STK24: variants seen among roughly 807,000 people sequenced by gnomAD.
The protein encoded by STK24 is serine/threonine kinase 24.
In STK24, 21 loss-of-function variants were observed where a neutral mutation model predicts 55.6. The observed-to-expected ratio is 0.38, with a 90% CI of 0.27 to 0.54. The LOEUF (loss-of-function observed/expected upper bound fraction) is 0.54, where lower values mean the gene tolerates loss of function less well. STK24 is among the 20% of genes least tolerant of loss of function. The pLI is 0.79. For missense variants in STK24, 383 were observed against 538.4 expected (o/e 0.71, Z 2.86); for synonymous variants, 200 against 215.2 (o/e 0.93, Z 0.62).
At chr13:98,501,256 A>G (rs1438738684) in intron 2 of STK24, among the ~76,000 whole-genome samples, 2 of 152,172 alleles carry the variant, frequency 1.3e-5, no homozygotes, top group Non-Finnish European at 2.9e-5. Flanking sequence ...CCAGGAGGGG[A>G]ATCGCCCTGA....
chr13:98,541,265 A>G (rs4389009), intron 1 of STK24, among the ~76,000 whole-genome samples: 76,137 of 151,894 alleles, frequency 0.5, 19,219 homozygotes, highest in East Asian at 0.52. Flanking sequence ...TGCAGGAAAT[A>G]AAAACGCTCT....
chr13:98,528,021 GC>G, intron 1 of STK24, among the ~76,000 whole-genome samples: 1 of 152,258 alleles, frequency 6.6e-6, no homozygotes, highest in South Asian at 2.1e-4. Flanking sequence ...AGCTCCCTAG[GC>G]TAATAATCAG....
intron 1 of STK24, among the ~76,000 whole-genome samples, chr13:98,569,674 T>G (rs1319395163): frequency 1.3e-5 from 2 of 152,032 alleles, no homozygotes; most frequent in Non-Finnish European, 2.9e-5. Flanking sequence ...TAATAATGGC[T>G]GGGCTGCAGA....
chr13:98,495,249 C>A (rs1441265981), intron 2 of STK24, among the ~76,000 whole-genome samples: 2 of 152,162 alleles, frequency 1.3e-5, no homozygotes, highest in Non-Finnish European at 2.9e-5. Context: ...AAATAAGTCT[C>A]CTTTTATTAC....
intron 2 of STK24, among the ~76,000 whole-genome samples, chr13:98,486,997 A>C (rs1257292500): frequency 1.3e-5 from 2 of 152,262 alleles, no homozygotes; most frequent in South Asian, 4.1e-4. Context: ...CAACAGATGC[A>C]AAGTGCTATC....
At position 98,457,329 on chromosome 13, in the gene STK24, T is replaced by C. The variant is rs9300480; in HGVS notation, c.1123-25A>G. The stretch of plus-strand genomic sequence containing the variant: ...ACTGAAAACACACGAACAGGAAGAA[T>C]GGCATGAAGCACACCAGCTGCAAAA... On this transcript the variant is annotated intron_variant, in intron 9 of 10. Transcript: ENST00000539966. 1,730 of 1,613,756 alleles carry C rather than the reference T, an allele frequency of 1.1e-3. 16 individuals are homozygous for C. In the African/African-American group the frequency reaches 0.019, roughly 18 times the overall value.
intron 2 of STK24, among the ~76,000 whole-genome samples, chr13:98,484,698 C>CT (rs1894738635): frequency 6.6e-6 from 1 of 152,192 alleles, no homozygotes; most frequent in Non-Finnish European, 1.5e-5. Flanking sequence ...CTACCTTCTC[C>CT]TTTTAAGGAG....
intron 1 of STK24, among the ~76,000 whole-genome samples, chr13:98,555,723 C>T (rs1490722711): frequency 1.4e-5 from 2 of 140,508 alleles, no homozygotes; most frequent in African/African-American, 5.3e-5. Context: ...CTCAGTCACC[C>T]AGACTGGAGT....
chr13:98,568,843 T>G lies in STK24; in HGVS notation c.42+7902A>C, dbSNP rs552296544. ...AAGATCACGCCATTGCACTCCAGCC[T>G]GGGTGACAGAGCGAGACTCCATCTC... is the stretch of plus-strand genomic sequence containing the variant. On this transcript the variant is annotated intron_variant, in intron 1 of 10. Transcript: ENST00000539966. Among the ~76,000 whole-genome samples the G allele has an allele frequency of 9.8e-4, 149 of 152,200 alleles. 2 individuals carry two copies. In the South Asian group the frequency reaches 0.016, roughly 16 times the overall value.
chr13:98,489,763 G>C (rs776524103), intron 2 of STK24, among the ~76,000 whole-genome samples: 3 of 152,350 alleles, frequency 2.0e-5, no homozygotes, highest in Non-Finnish European at 2.9e-5. Context: ...GCAGAGGGCA[G>C]CTAGGAATGA....
intron 1 of STK24, among the ~76,000 whole-genome samples, chr13:98,561,301 G>C (rs780511656): frequency 1.3e-5 from 2 of 152,098 alleles, no homozygotes; most frequent in African/African-American, 4.8e-5. Flanking sequence ...GCAGCAAGGA[G>C]GTCGGGCACG....
chr13:98,474,633 G>C (rs1402345911), intron 5 of STK24, among the ~76,000 whole-genome samples, 188 bp downstream of exon 5: 1 of 152,162 alleles, frequency 6.6e-6, no homozygotes, highest in Non-Finnish European at 1.5e-5. Context: ...GATCAGCACA[G>C]GGTATTAAAT....
intron 1 of STK24, among the ~76,000 whole-genome samples, chr13:98,551,095 G>T (rs1305619130): frequency 2.0e-5 from 3 of 152,014 alleles, no homozygotes; most frequent in Non-Finnish European, 4.4e-5. Context: ...GACCATCCTG[G>T]CTAACATGGT....
intron 9 of STK24, among the ~76,000 whole-genome samples, chr13:98,459,108 CCTAA>C (rs1893591588): frequency 6.6e-6 from 1 of 152,150 alleles, no homozygotes. Context: ...ATGCACTTTC[CCTAA>C]CTGCCTGACT....
chr13:98,517,825 A>C (rs1896120938), intron 2 of STK24, among the ~76,000 whole-genome samples: 1 of 152,192 alleles, frequency 6.6e-6, no homozygotes, highest in South Asian at 2.1e-4. Flanking sequence ...CCTTAACTGC[A>C]AACTACCTTC....
intron 1 of STK24, among the ~76,000 whole-genome samples, chr13:98,566,629 C>A (rs1026033780): frequency 3.9e-5 from 6 of 152,214 alleles, no homozygotes; most frequent in Admixed American, 1.3e-4. Context: ...GACAAGGCTT[C>A]CCATGAAGGG....
At chr13:98,543,496 T>C (rs573622656) in intron 1 of STK24, among the ~76,000 whole-genome samples, 15 of 152,248 alleles carry the variant, frequency 9.9e-5, no homozygotes, top group African/African-American at 3.6e-4. Context: ...AGGCACACAC[T>C]ACGAAAGGTC....
chr13:98,489,046 G>A (rs981346510), intron 2 of STK24, among the ~76,000 whole-genome samples: 1 of 152,178 alleles, frequency 6.6e-6, no homozygotes, highest in Non-Finnish European at 1.5e-5. Flanking sequence ...GTACCTTTCC[G>A]CGCAGATGAC....
intron 1 of STK24, among the ~76,000 whole-genome samples, chr13:98,548,524 C>T (rs191092155): frequency 6.6e-6 from 1 of 152,318 alleles, no homozygotes; most frequent in African/African-American, 2.4e-5. Context: ...ATGATGCGTA[C>T]ACTTCACTAT....
Sources: gnomAD v4.1 joint callset for allele counts (sites outside exome capture counted in the v4.1 genomes callset) on GRCh38, gnomAD v4.1.1 for gene constraint, MANE v1.5 for transcripts, NCBI Gene and HGNC (gene_info 2026-07-23, HGNC 2026-07-21) for gene names.